The following PLEKHG2 variants were observed in gnomAD, a reference collection of about 807,000 sequenced individuals.
PLEKHG2 encodes pleckstrin homology and RhoGEF domain containing G2.
In PLEKHG2, 71 loss-of-function variants were observed where a neutral mutation model predicts 104.4. The observed-to-expected ratio is 0.68, with a 90% CI of 0.56 to 0.83. The LOEUF is 0.83. Ranked by LOEUF, PLEKHG2 falls within the 40% of genes least tolerant of loss-of-function variation. The pLI is 0.00. For missense variants in PLEKHG2, 1,730 were observed against 1,809.4 expected (o/e 0.96, Z 0.80); for synonymous variants, 728 against 737.0 (o/e 0.99, Z 0.20).
In PLEKHG2 at chr19:39,423,520, G is replaced by A. The variant is rs2078733426; in HGVS notation, c.2466G>A (p.Arg822=). Reference sequence around the variant, plus strand: ...CGTCCCGAGTGCGAGAGCTGGCCCGGCTTTACAGCGAGCGGATCCAGCAGA... The same window carrying A: ...CGTCCCGAGTGCGAGAGCTGGCCCGACTTTACAGCGAGCGGATCCAGCAGA... ...RTASRVRELA[R]LYSERIQQMQ... Residue 822 remains arginine, a synonymous_variant, in exon 18 of 19, where the codon CGG becomes CGA. Coordinates refer to ENST00000425673, the MANE Select transcript of PLEKHG2 (RefSeq NM_022835.3). 2 of 1,570,642 alleles carry A rather than the reference G, an allele frequency of 1.3e-6. No individual in the cohort carries two copies. Among genetic ancestry groups the A allele is most frequent in the African/African-American group, 1.4e-5 (1 of 73,764 alleles).
At position 39,413,880 on chromosome 19, in the gene PLEKHG2, C is replaced by G. The variant is rs2078559267; in HGVS notation, c.-22-185C>G. 1 of 477,944 alleles carries G rather than the reference C, an allele frequency of 2.1e-6. No homozygotes were observed. The highest frequency in any genetic ancestry group is 2.0e-5 in the African/African-American group (1 of 51,004). 29.6% of individuals were successfully genotyped at this position (477,944 alleles called of 1,614,324 possible). On this transcript the variant is annotated intron_variant, in intron 1 of 18. Coordinates refer to ENST00000425673, the MANE Select transcript of PLEKHG2 (RefSeq NM_022835.3). The surrounding 1 kb of genome is among the most constrained non-coding windows in gnomAD (Gnocchi z 4.5). Reference sequence around the variant, plus strand: ...CTCTTCTTTGTCTCAGCCTTTCCATCTTTTTCGCCAGGTTCTCTCTCCTTG... The same window carrying G: ...CTCTTCTTTGTCTCAGCCTTTCCATGTTTTTCGCCAGGTTCTCTCTCCTTG...
rs764925360 is a variant in PLEKHG2, at chr19:39,423,889, T to A, written c.2756T>A (p.Val919Asp). The change falls in exon 19 of 19, where the codon GTT becomes GAT. Residue 919 changes from valine to aspartate, a missense_variant. Transcript: ENST00000425673. ...GGSPDGQGLHVSNLPKQDLPG... is the reference protein window; with the variant it reads ...GGSPDGQGLHDSNLPKQDLPG... ...AGCCCGGATGGCCAGGGTCTACATG[T>A]TTCCAATTTGCCTAAGCAAGACCTT... The A allele has an allele frequency of 6.2e-7, 1 of 1,614,014 alleles. No homozygotes were observed.
Position 39,425,017 on chromosome 19 carries a change from G to A in PLEKHG2, c.3884G>A (p.Gly1295Glu), listed in dbSNP as rs1458521173. The change falls in exon 19 of 19, where the codon GGG becomes GAG. Residue 1295 changes from glycine (G) to glutamate (E), a missense_variant. Physicochemically the swap from Gly to Glu is moderately conservative, Grantham distance 98. Coordinates refer to ENST00000425673, the MANE Select transcript of PLEKHG2 (RefSeq NM_022835.3). ...AGCCAGAGCCTGGCTCGGCGGCAGG[G>A]GCCTGGGGGAGGGGCCCCCGCAGCC... Reference protein sequence around the residue: ...YISQSLARRQGPGGGAPAASR... With the variant: ...YISQSLARRQEPGGGAPAASR... 1 of 1,605,404 alleles carries A rather than the reference G, an allele frequency of 6.2e-7. No homozygotes were observed. The highest frequency in any genetic ancestry group is 2.2e-5 in the East Asian group (1 of 44,750).
chr19:39,418,071 G>A lies in PLEKHG2; in HGVS notation c.1049G>A (p.Arg350Lys). 1 of 1,531,714 alleles carries A rather than the reference G, an allele frequency of 6.5e-7. No individual in the cohort carries two copies. The highest frequency in any genetic ancestry group is 8.8e-7 in the Non-Finnish European group (1 of 1,140,890). The allele number at this position is 1,531,714 out of a possible 1,614,324, so 94.9% of individuals were successfully genotyped here. A position where few individuals can be genotyped will look rare whatever the true frequency, so the allele number is the denominator to read the frequency against. Reference sequence around the variant, plus strand: ...CGGATGCTGCTGGTGGCCAAGCGCAGGGGGCTGGAGTACACCTACAAAGGC... The same window carrying A: ...CGGATGCTGCTGGTGGCCAAGCGCAAGGGGCTGGAGTACACCTACAAAGGC... Reference protein sequence around the residue: ...FSRMLLVAKRRGLEYTYKGHI... With the variant: ...FSRMLLVAKRKGLEYTYKGHI... Residue 350 changes from arginine to lysine, a missense_variant, in exon 9 of 19, where the codon AGG becomes AAG. Physicochemically the swap from Arg to Lys is conservative, Grantham distance 26. Coordinates refer to ENST00000425673, the MANE Select transcript of PLEKHG2 (RefSeq NM_022835.3).
rs2078728759 is a variant in PLEKHG2, at chr19:39,423,274, A to G, written c.2220A>G (p.Ser740=). The stretch of plus-strand genomic sequence containing the variant: ...CAGAGGAGGATGAAGAAGGGGTATC[A>G]TTCACAGACTTCCAGCCCCAGGATG... ...AGPEEDEEGV[S]FTDFQPQDVT... The change falls in exon 18 of 19, where the codon TCA becomes TCG. Residue 740 remains serine (S), a synonymous_variant. Transcript: ENST00000425673. The G allele has an allele frequency of 1.2e-6, 2 of 1,614,054 alleles. No individual in the cohort carries two copies. The highest frequency in any genetic ancestry group is 1.3e-5 in the African/African-American group (1 of 75,062).
chr19:39,426,643 C>T lies in PLEKHG2; in HGVS notation c.*1349C>T, dbSNP rs1182960144. 1.3e-5 allele frequency: 2 copies of T among 152,168 alleles called. No homozygotes were observed. Among genetic ancestry groups the T allele is most frequent in the African/African-American group, 2.4e-5 (1 of 41,440 alleles). The allele number at this position is 152,168 out of a possible 1,614,324, so 9.4% of individuals were successfully genotyped here. A position where few individuals can be genotyped will look rare whatever the true frequency, so the allele number is the denominator to read the frequency against. Reference sequence around the variant, plus strand: ...TTTGGTGTGGGTCCTCCCTCTGAGCCGGTTTTCTCATCTACAAAATGAAGA... The same window carrying T: ...TTTGGTGTGGGTCCTCCCTCTGAGCTGGTTTTCTCATCTACAAAATGAAGA... On this transcript the variant is annotated 3_prime_UTR_variant, in exon 19 of 19. Coordinates refer to ENST00000425673, the MANE Select transcript of PLEKHG2 (RefSeq NM_022835.3).
At chr19:39,414,308 T>G (rs989451232) in intron 2 of PLEKHG2, 113 bp downstream of exon 2, 5 of 1,140,700 alleles carry the variant, frequency 4.4e-6, no homozygotes, top group East Asian at 5.3e-5. Context: ...GCTCCGAGTC[T>G]GGTGGGGAAG....
In PLEKHG2 at chr19:39,425,348, C is replaced by A; in HGVS notation, c.*54C>A. 1 of 1,554,800 alleles carries A rather than the reference C, an allele frequency of 6.4e-7. No homozygotes were observed. The highest frequency in any genetic ancestry group is 1.2e-5 in the South Asian group (1 of 83,168). ...GGATTTCAGCCAGATGCCATAGACC[C>A]TCAGAACTTGACCTGGAAGTCCAGA... On this transcript the variant is annotated 3_prime_UTR_variant, in exon 19 of 19. Coordinates refer to ENST00000425673, the MANE Select transcript of PLEKHG2 (RefSeq NM_022835.3).
intron 9 of PLEKHG2, among the ~76,000 whole-genome samples, chr19:39,418,429 A>G (rs1030606448): frequency 6.6e-6 from 1 of 152,060 alleles, no homozygotes; most frequent in African/African-American, 2.4e-5. Context: ...AAATACAAAA[A>G]TTAGCTGGAC....
rs2146008900 is a variant in PLEKHG2, at chr19:39,422,172, T to G, written c.1561T>G (p.Ser521Ala). The change falls in exon 17 of 19, where the codon TCT becomes GCT. Residue 521 changes from serine to alanine, a missense_variant. Transcript: ENST00000425673. ...PPESQPPVSG[S>A]APPEDLEDAG... ...AGAATCTCAGCCACCAGTTTCAGGCTCTGCACCCCCTGAGGACCTGGAGGA... is the reference window on the plus strand; with the variant it reads ...AGAATCTCAGCCACCAGTTTCAGGCGCTGCACCCCCTGAGGACCTGGAGGA... 1.2e-6 allele frequency: 2 copies of G among 1,613,798 alleles called. No individual in the cohort carries two copies. Among genetic ancestry groups the G allele is most frequent in the East Asian group, 2.2e-5 (1 of 44,848 alleles).
rs2146014821 is a variant in PLEKHG2 at position 39,423,247 on chromosome 19, G to A, written c.2193G>A (p.Gly731=). 2 of 1,614,064 alleles carry A rather than the reference G, an allele frequency of 1.2e-6. No homozygotes were observed. The highest frequency in any genetic ancestry group is 2.2e-5 in the South Asian group (2 of 91,086). ...AGCCGCCTTCAGGAGGCAAGGCAGG[G>A]CCAGAGGAGGATGAAGAAGGGGTAT... The part of the protein sequence containing the change: ...LGEPPSGGKA[G]PEEDEEGVSF... The change falls in exon 18 of 19, where the codon GGG becomes GGA. Residue 731 remains glycine (G), a synonymous_variant. Transcript: ENST00000425673.
At chr19:39,414,917 G>T (rs1235369216) in intron 2 of PLEKHG2, 75 bp from the exon 3 acceptor site, 8 of 1,463,782 alleles carry the variant, frequency 5.5e-6, no homozygotes, top group Non-Finnish European at 7.3e-6. Context: ...TGAGGGTGTG[G>T]GCTGAACGCA....
rs2078564531 is a variant in PLEKHG2, at chr19:39,414,186, A to G, written c.100A>G (p.Thr34Ala). The G allele has an allele frequency of 1.9e-6, 3 of 1,551,252 alleles. No individual in the cohort carries two copies. The highest frequency in any genetic ancestry group is 1.2e-5 in the South Asian group (1 of 84,044). Residue 34 changes from threonine to alanine, a missense_variant, in exon 2 of 19, where the codon ACT becomes GCT. Transcript: ENST00000425673. Reference sequence around the variant, plus strand: ...GTGTGACTGTGGCACCGTGTGTGAGACTCGGACAGGTGAGCCTAGAGGCAG... The same window carrying G: ...GTGTGACTGTGGCACCGTGTGTGAGGCTCGGACAGGTGAGCCTAGAGGCAG... ...EVCDCGTVCE[T>A]RTAPAAPTMA...
At chr19:39,421,136 C>T (rs770230469) in intron 15 of PLEKHG2, 23 bp downstream of exon 15, 27 of 1,614,098 alleles carry the variant, frequency 1.7e-5, no homozygotes, top group Non-Finnish European at 2.3e-5. Flanking sequence ...CCCGGTTCAG[C>T]CTGGTCCATC....
In PLEKHG2 at chr19:39,412,771, C is replaced by T. The variant is rs1294497859; in HGVS notation, c.-664C>T. The stretch of plus-strand genomic sequence containing the variant: ...GGCGTCCGGAATTTCTGCACCGCAT[C>T]CTGAGAGACCCCGAGGTCCAGACCC... On this transcript the variant is annotated 5_prime_UTR_variant, in exon 1 of 19. Transcript: ENST00000425673. The T allele has an allele frequency of 6.6e-6, 1 of 152,208 alleles. No individual in the cohort carries two copies. The highest frequency in any genetic ancestry group is 2.4e-5 in the African/African-American group (1 of 41,444). 9.4% of individuals were successfully genotyped at this position (152,208 alleles called of 1,614,324 possible).
chr19:39,421,330 AC>A, intron 16 of PLEKHG2, 31 bp downstream of exon 16: 1 of 1,609,462 alleles, frequency 6.2e-7, no homozygotes, highest in Non-Finnish European at 8.5e-7. Context: ...GGGTCTGGGC[AC>A]CTTGACTTCT....
rs773642706 is a variant in PLEKHG2 at position 39,417,951 on chromosome 19, C to T, written c.929C>T (p.Ala310Val). Residue 310 changes from alanine (A) to valine (V), a missense_variant, in exon 9 of 19, where the codon GCT becomes GTT. By Grantham distance (64) the Ala-to-Val change is moderately conservative. Coordinates refer to ENST00000425673, the MANE Select transcript of PLEKHG2 (RefSeq NM_022835.3). ...LGGWTGPELS[A>V]FGELVLEGAF... The stretch of plus-strand genomic sequence containing the variant: ...GGCTGGACCGGACCAGAGCTCAGTG[C>T]TTTTGGGGAACTGGTGTTGGAGGGC... 5.2e-5 allele frequency: 80 copies of T among 1,543,796 alleles called. 1 individual carries two copies. The Middle Eastern group carries it at 4.8e-3, about 93-fold the overall frequency.
At position 39,423,455 on chromosome 19, in the gene PLEKHG2, G is replaced by A. The variant is rs148048190; in HGVS notation, c.2401G>A (p.Gly801Arg). The A allele has an allele frequency of 6.6e-5, 106 of 1,605,594 alleles. No individual in the cohort carries two copies. Among genetic ancestry groups the A allele is most frequent in the Non-Finnish European group, 8.5e-5 (100 of 1,174,660 alleles). ...GGATTCGGATCTGGGTGGAGACAGCGGGAGCGGGAAGGCAGGAGCCCCGAG... is the reference window on the plus strand; with the variant it reads ...GGATTCGGATCTGGGTGGAGACAGCAGGAGCGGGAAGGCAGGAGCCCCGAG... The part of the protein sequence containing the change: ...LEDSDLGGDS[G>R]SGKAGAPSSE... The change falls in exon 18 of 19, where the codon GGG (glycine) becomes AGG (arginine). Residue 801 changes from glycine to arginine, a missense_variant. By Grantham distance (125) the Gly-to-Arg change is moderately radical (BLOSUM62 -2). Coordinates refer to ENST00000425673, the MANE Select transcript of PLEKHG2 (RefSeq NM_022835.3).
Position 39,414,352 on chromosome 19 carries a change from G to GGGGCAGCGCT in PLEKHG2, c.109+164_109+173dup, listed in dbSNP as rs1256583248. On this transcript the variant is annotated intron_variant, in intron 2 of 18. Coordinates refer to ENST00000425673, the MANE Select transcript of PLEKHG2 (RefSeq NM_022835.3). ...ATCCCCAGGCAATGACAGGCCAGAG[G>GGGGCAGCGCT]GGGCAGCGCTGGGCAGAGTGGTCAG... The GGGGCAGCGCT allele has an allele frequency of 1.3e-4, 94 of 725,778 alleles. No homozygotes were observed. The African/African-American group carries it at 1.6e-3, about 12-fold the overall frequency. The allele number at this position is 725,778 out of a possible 1,614,324, so 45.0% of individuals were successfully genotyped here.
Sources: gnomAD v4.1 joint callset for allele counts (sites outside exome capture counted in the v4.1 genomes callset) on GRCh38, gnomAD v4.1.1 for gene constraint, Gnocchi (gnomAD v3.1) non-coding constraint, MANE v1.5 for transcripts, NCBI Gene and HGNC (gene_info 2026-07-23, HGNC 2026-07-21) for gene names.